The following ADAMTS20 variants were observed in gnomAD, a reference collection of about 807,000 sequenced individuals.
ADAMTS20 encodes ADAM metallopeptidase with thrombospondin type 1 motif 20, also known as A disintegrin and metalloproteinase with thrombospondin motifs 20.
ADAMTS20 carries 225 observed loss-of-function variants against 260.1 expected under a neutral mutation model. That is an observed-to-expected ratio of 0.87 (90% CI 0.78 to 0.97). ADAMTS20 has a LOEUF of 0.97. Ranked by LOEUF, ADAMTS20 falls within the 50% of genes least tolerant of loss-of-function variation. The pLI, the probability that ADAMTS20 is intolerant of heterozygous loss-of-function variation, is 0.00. For missense variants in ADAMTS20, 2,400 were observed against 2,337.7 expected (o/e 1.03, Z -0.55); for synonymous variants, 802 against 769.5 (o/e 1.04, Z -0.70).
intron 2 of ADAMTS20, among the ~76,000 whole-genome samples, chr12:43,549,484 T>G (rs1943484266): frequency 6.6e-6 from 1 of 152,074 alleles, no homozygotes; most frequent in South Asian, 2.1e-4. Flanking sequence ...GAATAATAAT[T>G]TAACTACATC....
In ADAMTS20 at chr12:43,359,214, CA is replaced by C. The variant is rs553040649; in HGVS notation, c.5539-2627del. 1.8e-3 allele frequency among the ~76,000 whole-genome samples: 269 copies of C among 152,174 alleles called. 3 individuals carry two copies. Among genetic ancestry groups the C allele is most frequent in the African/African-American group, 6.2e-3 (257 of 41,542 alleles). On this transcript the variant is annotated intron_variant, in intron 37 of 38. Coordinates refer to ENST00000389420, the MANE Select transcript of ADAMTS20 (RefSeq NM_025003.5). ...ATCACAAATGGAAGGTAAAATGATT[CA>C]AAAGACCTAGGAATTCAATAAATTG...
chr12:43,480,138 C>T (rs1942419170), intron 7 of ADAMTS20, among the ~76,000 whole-genome samples: 1 of 152,114 alleles, frequency 6.6e-6, no homozygotes, highest in Non-Finnish European at 1.5e-5. Context: ...AAATGGTTAA[C>T]CTTCCGCAAA....
intron 9 of ADAMTS20, among the ~76,000 whole-genome samples, chr12:43,465,164 A>AAACAAC (rs540019701): frequency 1.3e-5 from 2 of 152,114 alleles, no homozygotes; most frequent in South Asian, 2.1e-4. Context: ...TTCTAGTCCT[A>AAACAAC]AACAACAACA....
chr12:43,383,828 C>T lies in ADAMTS20; in HGVS notation c.4602G>A (p.Lys1534=). 1.2e-6 allele frequency: 2 copies of T among 1,613,930 alleles called. No homozygotes were observed. The highest frequency in any genetic ancestry group is 2.2e-5 in the South Asian group (2 of 91,074). Residue 1534 remains lysine (K), a synonymous_variant, in exon 30 of 39, where the codon AAG becomes AAA. Coordinates refer to ENST00000389420, the MANE Select transcript of ADAMTS20 (RefSeq NM_025003.5). ...CATTCAGCCTCCCTCTTTCCATCCC[C>T]TTGTGCTGCACACAGTCCTGACTCC... is the stretch of plus-strand genomic sequence containing the variant. ...RCWSQDCVQH[K]GMERGRLNCS...
chr12:43,434,260 G>T lies in ADAMTS20; in HGVS notation c.2705C>A (p.Thr902Lys). The change falls in exon 19 of 39, where the codon ACA becomes AAA. Residue 902 changes from threonine to lysine, a missense_variant. Transcript: ENST00000389420. The stretch of plus-strand genomic sequence containing the variant: ...TCTCTTTTACCTTAGTTCACAGTCT[G>T]TATTGCAACTTTGAGTAACAAATGA... ...LPSFVTQSCNTDCELRWHVIG... is the reference protein window; with the variant it reads ...LPSFVTQSCNKDCELRWHVIG... The T allele has an allele frequency of 6.3e-7, 1 of 1,583,124 alleles. No homozygotes were observed. The highest frequency in any genetic ancestry group is 8.6e-7 in the Non-Finnish European group (1 of 1,162,582).
In ADAMTS20 at chr12:43,375,474, C is replaced by T. The variant is rs755313685; in HGVS notation, c.5351G>A (p.Arg1784Lys). Residue 1784 changes from arginine to lysine, a missense_variant, in exon 36 of 39, where the codon AGA (arginine) becomes AAA (lysine). Arg to Lys is a conservative substitution (Grantham distance 26). Coordinates refer to ENST00000389420, the MANE Select transcript of ADAMTS20 (RefSeq NM_025003.5). The part of the protein sequence containing the change: ...NPYQCPFNGS[R>K]REDCECDNGH... ...ATTGTCACATTCACAGTCTTCCCTTCTACTCCCATTAAAAGGACATTGATA... is the reference window on the plus strand; with the variant it reads ...ATTGTCACATTCACAGTCTTCCCTTTTACTCCCATTAAAAGGACATTGATA... 5.0e-6 allele frequency: 8 copies of T among 1,613,148 alleles called. No homozygotes were observed. Among genetic ancestry groups the T allele is most frequent in the South Asian group, 1.1e-5 (1 of 91,060 alleles).
Position 43,432,603 on chromosome 12 carries a change from G to A in ADAMTS20, c.2929C>T (p.Gln977Ter). The A allele has an allele frequency of 6.2e-7, 1 of 1,613,652 alleles. No homozygotes were observed. The highest frequency in any genetic ancestry group is 8.5e-7 in the Non-Finnish European group (1 of 1,179,706). ...TTAAGCAATCATTTTTATTGTACCT[G>A]AGACCATTCTGAATAATGCCATCTT... Reference protein sequence around the residue: ...FTRWHYSEWSQCSRSCGGGER... With the variant: ...FTRWHYSEWS The change falls in exon 20 of 39, where the codon CAG becomes TAG. Residue 977 changes from glutamine (Q) to a stop codon, truncating the protein, a stop_gained and splice_region_variant. Transcript: ENST00000389420. LOFTEE classifies it high-confidence loss of function.
In ADAMTS20 at chr12:43,551,661, G is replaced by T. The variant is rs1943519396; in HGVS notation, c.91+170C>A. On this transcript the variant is annotated intron_variant, in intron 1 of 38. Coordinates refer to ENST00000389420, the MANE Select transcript of ADAMTS20 (RefSeq NM_025003.5). The surrounding 1 kb of genome is among the most constrained non-coding windows in gnomAD (Gnocchi z 4.6). ...GCGTCTTAGGCGCGCGCGATTCCTC[G>T]AAACCCGGCGCAGTCGCGACCTCTC... Among the ~76,000 whole-genome samples, 1 of 152,170 alleles carries T rather than the reference G, an allele frequency of 6.6e-6. No individual in the cohort carries two copies. Among genetic ancestry groups the T allele is most frequent in the Non-Finnish European group, 1.5e-5 (1 of 68,040 alleles).
chr12:43,384,222 C>T (rs1206424478), intron 29 of ADAMTS20, among the ~76,000 whole-genome samples: 1 of 152,150 alleles, frequency 6.6e-6, no homozygotes, highest in Non-Finnish European at 1.5e-5. Context: ...TTATAGTAGA[C>T]AGCATCTCAA....
Position 43,445,663 on chromosome 12 carries a change from T to C in ADAMTS20, c.2197+932A>G, listed in dbSNP as rs930934308. Among the ~76,000 whole-genome samples, 5 of 143,508 alleles carry C rather than the reference T, an allele frequency of 3.5e-5. No homozygotes were observed. In the East Asian group the frequency reaches 9.1e-4, roughly 26 times the overall value. The allele number at this position is 143,508 out of a possible 152,430, so 94.1% of individuals were successfully genotyped here. On this transcript the variant is annotated intron_variant, in intron 15 of 38. Transcript: ENST00000389420. The stretch of plus-strand genomic sequence containing the variant: ...AGTTTGAGACCAACCTAGCAATACA[T>C]TGAGACCCATCTCTACACACACACA...
intron 28 of ADAMTS20, among the ~76,000 whole-genome samples, chr12:43,412,640 G>A (rs866006037): frequency 6.6e-6 from 1 of 151,958 alleles, no homozygotes; most frequent in Non-Finnish European, 1.5e-5. Context: ...GCCACTATCC[G>A]TGAGCCAGCT....
At chr12:43,391,552 T>C (rs886370424) in intron 29 of ADAMTS20, among the ~76,000 whole-genome samples, 1 of 152,112 alleles carries the variant, frequency 6.6e-6, no homozygotes, top group African/African-American at 2.4e-5. Context: ...AAGTGTAGAG[T>C]ATGTCTAAAG....
At chr12:43,440,235 G>A (rs754676273) in intron 16 of ADAMTS20, among the ~76,000 whole-genome samples, 166 bp from the exon 17 acceptor site, 3 of 143,884 alleles carry the variant, frequency 2.1e-5, no homozygotes, top group Non-Finnish European at 3.0e-5. Flanking sequence ...CCTTCGCCTC[G>A]CCTCTTGGAT....
At chr12:43,432,220 CT>C in intron 21 of ADAMTS20, 83 bp downstream of exon 21, 1 of 1,385,594 alleles carries the variant, frequency 7.2e-7, no homozygotes, top group Non-Finnish European at 9.7e-7. Flanking sequence ...AATTTAAGCA[CT>C]TTTAAATTTT....
intron 7 of ADAMTS20, among the ~76,000 whole-genome samples, chr12:43,484,073 T>G (rs1158573228): frequency 6.6e-6 from 1 of 152,136 alleles, no homozygotes; most frequent in Non-Finnish European, 1.5e-5. Context: ...GAACTCATAC[T>G]GAGTCCACCA....
At chr12:43,502,951 C>T (rs1272667513) in intron 3 of ADAMTS20, among the ~76,000 whole-genome samples, 1 of 151,970 alleles carries the variant, frequency 6.6e-6, no homozygotes, top group Non-Finnish European at 1.5e-5. Context: ...GGCAAATGTT[C>T]CTATAAATTT....
At chr12:43,474,518 T>A (rs1436217393) in intron 7 of ADAMTS20, among the ~76,000 whole-genome samples, 23,157 of 124,334 alleles carry the variant, frequency 0.19, 2,527 homozygotes, top group Middle Eastern at 0.3. Flanking sequence ...ATACCAAAGC[T>A]GGGCAGAGAC....
chr12:43,381,239 G>A (rs1474091658), intron 31 of ADAMTS20, among the ~76,000 whole-genome samples: 2 of 152,020 alleles, frequency 1.3e-5, no homozygotes, highest in African/African-American at 4.8e-5. Context: ...CTAATTGTCT[G>A]AGCTACAATT....
chr12:43,437,870 G>A (rs1383838253), intron 18 of ADAMTS20, among the ~76,000 whole-genome samples: 1 of 151,970 alleles, frequency 6.6e-6, no homozygotes, highest in Non-Finnish European at 1.5e-5. Flanking sequence ...GAACAAATTA[G>A]AGAAAAGAGG....
Sources: allele counts gnomAD v4.1 joint callset (sites outside exome capture counted in the v4.1 genomes callset), GRCh38; gene constraint gnomAD v4.1.1; non-coding constraint Gnocchi (gnomAD v3.1); transcripts MANE v1.5; gene names NCBI Gene and HGNC (gene_info 2026-07-23, HGNC 2026-07-21).